SEPTIN2: variants seen among roughly 807,000 people sequenced by gnomAD.
SEPTIN2 encodes the protein septin 2.
Under a neutral mutation model 46.5 loss-of-function variants are expected in SEPTIN2, and 34 were observed. The ratio of observed to expected loss-of-function variants is 0.73; its 90% confidence interval spans 0.56 to 0.97. The LOEUF is 0.97. Ranked by LOEUF, SEPTIN2 falls within the 50% of genes least tolerant of loss-of-function variation. The pLI, the probability that SEPTIN2 is intolerant of heterozygous loss-of-function variation, is 0.00. For missense variants in SEPTIN2, 347 were observed against 448.4 expected (o/e 0.77, Z 2.04); for synonymous variants, 175 against 153.4 (o/e 1.14, Z -1.04).
chr2:241,341,106 C>T (rs1312089710), intron 7 of SEPTIN2, among the ~76,000 whole-genome samples: 3 of 152,206 alleles, frequency 2.0e-5, no homozygotes, highest in African/African-American at 7.2e-5. Flanking sequence ...TTTCTATCTG[C>T]TGTTTTTTAC....
chr2:241,341,418 C>G (rs1488836806), intron 7 of SEPTIN2, among the ~76,000 whole-genome samples: 1 of 152,208 alleles, frequency 6.6e-6, no homozygotes, highest in Non-Finnish European at 1.5e-5. Flanking sequence ...GAACTCTTCT[C>G]TCCTCCAAAG....
intron 3 of SEPTIN2, among the ~76,000 whole-genome samples, chr2:241,327,546 G>A (rs1303186498): frequency 1.3e-5 from 2 of 149,868 alleles, no homozygotes; most frequent in Admixed American, 1.3e-4. Context: ...CCTGGGAATT[G>A]TGCAATTTTC....
intron 3 of SEPTIN2, among the ~76,000 whole-genome samples, chr2:241,327,156 G>C (rs773206746): frequency 1.3e-5 from 2 of 150,210 alleles, no homozygotes; most frequent in African/African-American, 2.5e-5. Context: ...AACAAAAACT[G>C]TACATAATCA....
intron 5 of SEPTIN2, 51 bp downstream of exon 5, chr2:241,336,149 A>G (rs1325051355): frequency 1.3e-6 from 2 of 1,561,374 alleles, no homozygotes; most frequent in Non-Finnish European, 1.7e-6. Flanking sequence ...AATATACTTC[A>G]TAAATTTATA....
chr2:241,343,256 T>C (rs2081494400), intron 8 of SEPTIN2, among the ~76,000 whole-genome samples, 163 bp downstream of exon 8: 1 of 152,184 alleles, frequency 6.6e-6, no homozygotes, highest in South Asian at 2.1e-4. Flanking sequence ...CCCAGCACTT[T>C]GAGAGGCCAA....
rs558217047 is a variant in SEPTIN2 at position 241,330,373 on chromosome 2, C to T, written c.130+4260C>T. 3.8e-4 allele frequency among the ~76,000 whole-genome samples: 58 copies of T among 152,320 alleles called. No individual in the cohort carries two copies. The South Asian group carries it at 7.7e-3, about 20-fold the overall frequency. The stretch of plus-strand genomic sequence containing the variant: ...CATGTAAATGGTTAAAAAATAATGA[C>T]TGCACCATAGAAGCCCTGAGGTTGG... On this transcript the variant is annotated intron_variant, in intron 3 of 12. Transcript: ENST00000391971.
chr2:241,347,367 TA>T (rs2060351786), intron 10 of SEPTIN2, among the ~76,000 whole-genome samples: 1 of 152,170 alleles, frequency 6.6e-6, no homozygotes, highest in South Asian at 2.1e-4. Flanking sequence ...AATGAGACAT[TA>T]AGAAAGATTT....
intron 3 of SEPTIN2, among the ~76,000 whole-genome samples, chr2:241,333,621 T>TGCCTCA (rs370542983): frequency 0.32 from 48,341 of 149,724 alleles, 8,863 homozygotes; most frequent in East Asian, 0.66. Context: ...GCCATTCTCC[T>TGCCTCA]GCCTCCCGAG....
chr2:241,338,513 G>C (rs1015725563), intron 7 of SEPTIN2, among the ~76,000 whole-genome samples: 1 of 148,456 alleles, frequency 6.7e-6, no homozygotes, highest in African/African-American at 2.5e-5. Context: ...ACAGCAGGGG[G>C]TTCAGGCAGG....
chr2:241,330,964 GT>G (rs1339006598), intron 3 of SEPTIN2, among the ~76,000 whole-genome samples: 1 of 152,238 alleles, frequency 6.6e-6, no homozygotes, highest in Admixed American at 6.5e-5. Context: ...GAGGTCAGGA[GT>G]TTAAGACCAG....
At chr2:241,344,504 C>G (rs953369522) in intron 9 of SEPTIN2, among the ~76,000 whole-genome samples, 2 of 152,152 alleles carry the variant, frequency 1.3e-5, no homozygotes, top group South Asian at 4.1e-4. Flanking sequence ...CAAGACCAGC[C>G]TGACCAACAT....
chr2:241,350,596 TA>T (rs1209147561), intron 12 of SEPTIN2, among the ~76,000 whole-genome samples: 1 of 152,228 alleles, frequency 6.6e-6, no homozygotes, highest in Non-Finnish European at 1.5e-5. Context: ...AACGTGTTAT[TA>T]AAACAGCTTG....
In SEPTIN2 at chr2:241,335,119, T is replaced by C; in HGVS notation, c.131-7T>C. ...GGTCATGACAAGGTTTTTCTTTTTA[T>C]TTAAAGGTGAATCAGGTCTAGGAAA... On this transcript the variant is annotated splice_polypyrimidine_tract_variant and splice_region_variant and intron_variant, in intron 3 of 12. Coordinates refer to ENST00000391971, the MANE Select transcript of SEPTIN2 (RefSeq NM_004404.5). 1 of 1,604,974 alleles carries C rather than the reference T, an allele frequency of 6.2e-7. No individual in the cohort carries two copies. The highest frequency in any genetic ancestry group is 8.5e-7 in the Non-Finnish European group (1 of 1,172,476).
At chr2:241,325,890 T>C (rs976710026) in intron 2 of SEPTIN2, 103 bp from the exon 3 acceptor site, 1 of 1,113,962 alleles carries the variant, frequency 9.0e-7, no homozygotes, top group Admixed American at 2.8e-5. Flanking sequence ...TTAAAAAATT[T>C]GTGAAAACTG....
chr2:241,320,773 G>A (rs1161096618), intron 1 of SEPTIN2, among the ~76,000 whole-genome samples: 4 of 152,058 alleles, frequency 2.6e-5, no homozygotes, highest in Non-Finnish European at 4.4e-5. Context: ...TGGGCAACAA[G>A]AGCAAAACTC....
chr2:241,325,257 C>T (rs1349025320), intron 2 of SEPTIN2: 3 of 152,114 alleles, frequency 2.0e-5, no homozygotes, highest in Non-Finnish European at 2.9e-5. Context: ...TTCTCATTTT[C>T]AGTATGCCAC....
chr2:241,337,009 G>A lies in SEPTIN2; in HGVS notation c.342-373G>A, dbSNP rs543870748. On this transcript the variant is annotated intron_variant, in intron 5 of 12. Coordinates refer to ENST00000391971, the MANE Select transcript of SEPTIN2 (RefSeq NM_004404.5). ...CTTGGGAGGCTGAGGCAGGAGAATC[G>A]CTTGAACCCTGGAAGCAGAGGTTGC... 31 of 159,276 alleles carry A rather than the reference G, an allele frequency of 1.9e-4. No homozygotes were observed. In the South Asian group the frequency reaches 5.2e-3, roughly 27 times the overall value. 9.9% of individuals were successfully genotyped at this position (159,276 alleles called of 1,614,324 possible).
rs547036904 is a variant in SEPTIN2, at chr2:241,333,648, C to T, written c.131-1478C>T. The stretch of plus-strand genomic sequence containing the variant: ...CCTCCCGAGTAGCTGGGACTACAGG[C>T]GCCCGCCACCACGCCCGGCTAATTT... On this transcript the variant is annotated intron_variant, in intron 3 of 12. Coordinates refer to ENST00000391971, the MANE Select transcript of SEPTIN2 (RefSeq NM_004404.5). 3.4e-3 allele frequency among the ~76,000 whole-genome samples: 510 copies of T among 151,404 alleles called. 2 individuals are homozygous for T. Among genetic ancestry groups the T allele is most frequent in the Middle Eastern group, 0.028 (8 of 290 alleles).
rs200105609 is a variant in SEPTIN2 at position 241,335,234 on chromosome 2, T to C, written c.217+22T>C. On this transcript the variant is annotated intron_variant, in intron 4 of 12. Transcript: ENST00000391971. ...GCAGGTAAAAACATTCTTATGTTACTGTAAGTGTAATTCTACATGAAAGAT... is the reference window on the plus strand; with the variant it reads ...GCAGGTAAAAACATTCTTATGTTACCGTAAGTGTAATTCTACATGAAAGAT... 53 of 1,607,792 alleles carry C rather than the reference T, an allele frequency of 3.3e-5. No individual in the cohort carries two copies. The African/African-American group carries it at 6.7e-4, about 20-fold the overall frequency.
Sources: allele counts gnomAD v4.1 joint callset (sites outside exome capture counted in the v4.1 genomes callset), GRCh38; gene constraint gnomAD v4.1.1; transcripts MANE v1.5; gene names NCBI Gene and HGNC (gene_info 2026-07-23, HGNC 2026-07-21).